The following ZNF385D variants were observed in gnomAD, a reference collection of about 807,000 sequenced individuals.
ZNF385D encodes zinc finger protein 385D.
ZNF385D carries 15 observed loss-of-function variants against 35.8 expected under a neutral mutation model. That is an observed-to-expected ratio of 0.42 (90% confidence interval 0.28 to 0.64). ZNF385D has a LOEUF of 0.64. Ranked by LOEUF, ZNF385D falls within the 30% of genes least tolerant of loss-of-function variation. ZNF385D has a pLI of 0.23. For missense variants in ZNF385D, 474 were observed against 494.6 expected (o/e 0.96, Z 0.39); for synonymous variants, 212 against 186.8 (o/e 1.13, Z -1.10).
rs764292214 is a variant in ZNF385D, at chr3:22,112,551, T to G, written c.325+56266A>C. The stretch of plus-strand genomic sequence containing the variant: ...GTATGTAAATCTATTAATATTGCAG[T>G]TTTGTAATTATCCACATCAGCTATG... On this transcript the variant is annotated intron_variant, in intron 3 of 5. Transcript: ENST00000494108. Among the ~76,000 whole-genome samples the G allele has an allele frequency of 3.0e-4, 46 of 152,268 alleles. 1 individual carries two copies. In the Middle Eastern group the frequency reaches 0.01, roughly 34 times the overall value.
chr3:22,232,573 G>A (rs957844949), intron 2 of ZNF385D, among the ~76,000 whole-genome samples: 1 of 152,044 alleles, frequency 6.6e-6, no homozygotes, highest in Admixed American at 6.6e-5. Context: ...GGTGTGTGAT[G>A]TTCCCCTCCC....
chr3:21,746,774 G>T (rs2069791098), intron 1 of ZNF385D, among the ~76,000 whole-genome samples: 2 of 152,128 alleles, frequency 1.3e-5, no homozygotes, highest in African/African-American at 4.8e-5. Context: ...TGTTTCCACT[G>T]AAACCACTAA....
chr3:21,718,349 C>G (rs1429355181), intron 1 of ZNF385D, among the ~76,000 whole-genome samples: 12 of 152,204 alleles, frequency 7.9e-5, no homozygotes, highest in Admixed American at 7.2e-4. Flanking sequence ...AGAAACCCTT[C>G]CAGGGACATT....
At chr3:21,882,778 G>A (rs1355953033) in intron 3 of ZNF385D, among the ~76,000 whole-genome samples, 1 of 152,022 alleles carries the variant, frequency 6.6e-6, no homozygotes, top group Non-Finnish European at 1.5e-5. Context: ...TACATGAGCA[G>A]TTGCAACACA....
At chr3:21,460,441 T>C (rs1353218998) in intron 4 of ZNF385D, among the ~76,000 whole-genome samples, 1 of 152,224 alleles carries the variant, frequency 6.6e-6, no homozygotes, top group African/African-American at 2.4e-5. Context: ...TATGCTAAAC[T>C]ATATTCAGTA....
intron 3 of ZNF385D, among the ~76,000 whole-genome samples, chr3:21,836,393 C>A (rs1164640299): frequency 6.6e-6 from 1 of 152,068 alleles, no homozygotes; most frequent in Non-Finnish European, 1.5e-5. Flanking sequence ...TACACTTCTG[C>A]ATATTCAACA....
In ZNF385D at chr3:22,060,591, T is replaced by C. The variant is rs147457382; in HGVS notation, c.325+108226A>G. On this transcript the variant is annotated intron_variant, in intron 3 of 5. Transcript: ENST00000494108. ...AATGTTCTGGGAAATTCTGTTCACA[T>C]TTCCAAAACTTATTTCAACAATGAA... 4.7e-4 allele frequency among the ~76,000 whole-genome samples: 71 copies of C among 152,290 alleles called. 1 individual carries two copies. Among genetic ancestry groups the C allele is most frequent in the Admixed American group, 1.2e-3 (18 of 15,298 alleles).
intron 3 of ZNF385D, among the ~76,000 whole-genome samples, chr3:22,100,112 G>A (rs1228635424): frequency 6.8e-6 from 1 of 147,344 alleles, no homozygotes; most frequent in Non-Finnish European, 1.5e-5. Flanking sequence ...TCAGAGAAAT[G>A]TAAATCAAAA....
chr3:21,707,995 G>A (rs1050023082), intron 1 of ZNF385D, among the ~76,000 whole-genome samples: 1 of 152,094 alleles, frequency 6.6e-6, no homozygotes, highest in Non-Finnish European at 1.5e-5. Flanking sequence ...CCGGCACTAC[G>A]GGCATGTAGG....
intron 3 of ZNF385D, among the ~76,000 whole-genome samples, chr3:21,980,351 A>C (rs1463860315): frequency 6.6e-6 from 1 of 152,196 alleles, no homozygotes; most frequent in Non-Finnish European, 1.5e-5. Context: ...GGAAACTGTG[A>C]CATAAATTTT....
intron 2 of ZNF385D, among the ~76,000 whole-genome samples, chr3:22,202,308 T>A (rs552816531): frequency 6.6e-6 from 1 of 152,176 alleles, no homozygotes; most frequent in Non-Finnish European, 1.5e-5. Flanking sequence ...GTGAGAGCAT[T>A]TTCTAGGAAG....
chr3:22,247,131 T>C (rs1699826762), intron 2 of ZNF385D, among the ~76,000 whole-genome samples: 1 of 152,164 alleles, frequency 6.6e-6, no homozygotes, highest in Admixed American at 6.5e-5. Flanking sequence ...AAAACTATAC[T>C]GGTAATTTCA....
At chr3:22,186,440 A>T (rs756377731) in intron 2 of ZNF385D, among the ~76,000 whole-genome samples, 3 of 152,182 alleles carry the variant, frequency 2.0e-5, no homozygotes, top group Admixed American at 1.3e-4. Flanking sequence ...TTCAGTGGAG[A>T]TAAGTCTTGT....
At chr3:21,958,091 A>G (rs1307050352) in intron 3 of ZNF385D, among the ~76,000 whole-genome samples, 1 of 152,156 alleles carries the variant, frequency 6.6e-6, no homozygotes. Context: ...CAATGGGCAC[A>G]TGCAGACTAA....
chr3:21,738,057 GA>G (rs2069331707), intron 1 of ZNF385D, among the ~76,000 whole-genome samples: 1 of 152,234 alleles, frequency 6.6e-6, no homozygotes, highest in South Asian at 2.1e-4. Context: ...CAGACTTCCT[GA>G]AAGGGACCTG....
At chr3:21,845,182 A>C (rs1159837449) in intron 3 of ZNF385D, among the ~76,000 whole-genome samples, 1 of 151,956 alleles carries the variant, frequency 6.6e-6, no homozygotes, top group Non-Finnish European at 1.5e-5. Context: ...TATAGGTTGC[A>C]TGTCTGTGCT....
chr3:21,783,448 A>G (rs915930034), intron 3 of ZNF385D, among the ~76,000 whole-genome samples: 4 of 152,156 alleles, frequency 2.6e-5, no homozygotes, highest in Non-Finnish European at 5.9e-5. Flanking sequence ...AGACATTTAA[A>G]TGCTACTGTA....
intron 3 of ZNF385D, among the ~76,000 whole-genome samples, chr3:21,996,892 C>T (rs1017393291): frequency 7.2e-5 from 11 of 152,114 alleles, no homozygotes; most frequent in African/African-American, 2.2e-4. Flanking sequence ...AGTGATTAAG[C>T]AATAACTTAT....
chr3:21,971,602 G>A (rs1703261590), intron 3 of ZNF385D, among the ~76,000 whole-genome samples: 1 of 151,374 alleles, frequency 6.6e-6, no homozygotes. Flanking sequence ...GCAAGAGTAA[G>A]TCCTTACTCA....
Sources: allele counts gnomAD v4.1 joint callset (sites outside exome capture counted in the v4.1 genomes callset), GRCh38; gene constraint gnomAD v4.1.1; transcripts MANE v1.5; gene names NCBI Gene and HGNC (gene_info 2026-07-23, HGNC 2026-07-21).